The following RAI14 variants were observed in gnomAD, a reference collection of about 807,000 sequenced individuals.
RAI14 encodes ankycorbin.
Under a neutral mutation model 115.4 loss-of-function variants are expected in RAI14, and 45 were observed. That is an observed-to-expected ratio of 0.39 (90% confidence interval 0.31 to 0.50). RAI14 has a LOEUF of 0.50. Ranked by LOEUF, RAI14 falls within the 20% of genes least tolerant of loss-of-function variation. The pLI, the probability that RAI14 is intolerant of heterozygous loss-of-function variation, is 0.85. For missense variants in RAI14, 939 were observed against 1,131.2 expected, an observed-to-expected ratio of 0.83 and a Z score of 2.44; for synonymous variants, 371 against 415.4, an observed-to-expected ratio of 0.89 and a Z score of 1.30.
At chr5:34,695,418 C>A (rs1739106376) in intron 2 of RAI14, among the ~76,000 whole-genome samples, 1 of 152,164 alleles carries the variant, frequency 6.6e-6, no homozygotes, top group Non-Finnish European at 1.5e-5. Context: ...CCCAGGAACC[C>A]CAGCCTTTCT....
rs139732978 is a variant in RAI14, at chr5:34,668,524, C to T, written c.-49+12049C>T. On this transcript the variant is annotated intron_variant, in intron 1 of 17. Coordinates refer to ENST00000265109, the MANE Select transcript of RAI14 (RefSeq NM_015577.3). ...TCTCCAAGCACAGGCCCACTTCAGA[C>T]CCAGTTTCTATTTATCATGGGTGCA... Among the ~76,000 whole-genome samples the T allele has an allele frequency of 1.2e-4, 18 of 152,226 alleles. No individual in the cohort carries two copies. In the East Asian group the frequency reaches 3.5e-3, roughly 29 times the overall value.
intron 2 of RAI14, among the ~76,000 whole-genome samples, chr5:34,718,640 G>A (rs570069932): frequency 3.9e-5 from 6 of 152,312 alleles, no homozygotes; most frequent in African/African-American, 1.4e-4. Flanking sequence ...GGATCTACTG[G>A]GAGAATCAAA....
chr5:34,756,369 C>T (rs1747877268), intron 2 of RAI14, among the ~76,000 whole-genome samples: 1 of 152,186 alleles, frequency 6.6e-6, no homozygotes. Flanking sequence ...CCTGGAGGTT[C>T]ATCCCTTCAG....
intron 2 of RAI14, among the ~76,000 whole-genome samples, chr5:34,736,788 A>T (rs1744934271): frequency 6.6e-6 from 1 of 152,220 alleles, no homozygotes; most frequent in African/African-American, 2.4e-5. Context: ...TCTTTGTAAG[A>T]ATGATCTTTT....
chr5:34,730,248 T>C (rs1744002674), intron 2 of RAI14, among the ~76,000 whole-genome samples: 1 of 152,254 alleles, frequency 6.6e-6, no homozygotes. Context: ...TTTGCTGGTG[T>C]CTTTATATGC....
chr5:34,754,481 GC>G (rs765996620), intron 2 of RAI14, among the ~76,000 whole-genome samples: 1 of 151,920 alleles, frequency 6.6e-6, no homozygotes, highest in Non-Finnish European at 1.5e-5. Context: ...TTCTGCTTTG[GC>G]CTCCCCAGTA....
intron 2 of RAI14, among the ~76,000 whole-genome samples, chr5:34,700,433 A>G (rs916702964): frequency 2.0e-5 from 3 of 152,164 alleles, no homozygotes; most frequent in Non-Finnish European, 2.9e-5. Context: ...TTAGGTGGCA[A>G]GTGGCAGTCT....
chr5:34,743,379 T>C (rs893094918), intron 2 of RAI14, among the ~76,000 whole-genome samples: 1 of 152,214 alleles, frequency 6.6e-6, no homozygotes, highest in African/African-American at 2.4e-5. Context: ...TTACATCGCC[T>C]TCTTCCTCAT....
chr5:34,809,990 G>T (rs10472940), intron 7 of RAI14, among the ~76,000 whole-genome samples: 7 of 151,914 alleles, frequency 4.6e-5, no homozygotes, highest in African/African-American at 1.7e-4. Context: ...TGATGGAGAT[G>T]CTGTGAAGTG....
At chr5:34,664,596 A>G (rs2149843441) in intron 1 of RAI14, among the ~76,000 whole-genome samples, 1 of 152,106 alleles carries the variant, frequency 6.6e-6, no homozygotes, top group Admixed American at 6.5e-5. Context: ...GATCTAGATA[A>G]GTTCAATTTG....
In RAI14 at chr5:34,829,799, T is replaced by G; in HGVS notation, c.2865+2T>G. 1 of 1,608,008 alleles carries G rather than the reference T, an allele frequency of 6.2e-7. No individual in the cohort carries two copies. Among genetic ancestry groups the G allele is most frequent in the Non-Finnish European group, 8.5e-7 (1 of 1,176,018 alleles). On this transcript the variant is annotated splice_donor_variant, in intron 17 of 17. Transcript: ENST00000265109. LOFTEE classifies it high-confidence loss of function. ...ATGCATCTTCTGTATGCTGTGCAGG[T>G]ATGGTTATGCCCCTTGAAGTATCTG...
At chr5:34,817,199 C>A (rs551439376) in intron 12 of RAI14, among the ~76,000 whole-genome samples, 1 of 144,952 alleles carries the variant, frequency 6.9e-6, no homozygotes, top group Admixed American at 7.4e-5. Flanking sequence ...ATCGCTTGAA[C>A]CTGGGAGGCA....
rs142388655 is a variant in RAI14, at chr5:34,697,134, A to C, written c.36+10179A>C. Among the ~76,000 whole-genome samples, 1,295 of 147,350 alleles carry C rather than the reference A, an allele frequency of 8.8e-3. 27 individuals are homozygous for C. Among genetic ancestry groups the C allele is most frequent in the African/African-American group, 0.031 (1,235 of 39,810 alleles). ...CGACAGAGTAAGACTCCATCTCAAA[A>C]AATAATAATAATAATAAAAAGGCCA... is the stretch of plus-strand genomic sequence containing the variant. On this transcript the variant is annotated intron_variant, in intron 2 of 17. Transcript: ENST00000265109.
chr5:34,788,723 A>G (rs1012449391), intron 3 of RAI14, among the ~76,000 whole-genome samples: 6 of 152,146 alleles, frequency 3.9e-5, no homozygotes, highest in Admixed American at 6.6e-5. Flanking sequence ...TAATCCCAGC[A>G]CTTTGGGAGG....
rs188008456 is a variant in RAI14, at chr5:34,776,700, G to T, written c.167+19102G>T. On this transcript the variant is annotated intron_variant, in intron 3 of 17. Transcript: ENST00000265109. ...TGTGTATCTGTAGTTGCAACTATTC[G>T]GGAGACTGAGATGGGAGAATCGCTT... Among the ~76,000 whole-genome samples, 11 of 151,870 alleles carry T rather than the reference G, an allele frequency of 7.2e-5. No homozygotes were observed. The East Asian group carries it at 2.1e-3, about 29-fold the overall frequency.
intron 1 of RAI14, among the ~76,000 whole-genome samples, chr5:34,659,601 C>T (rs1411058872): frequency 1.3e-5 from 2 of 152,130 alleles, no homozygotes; most frequent in Non-Finnish European, 2.9e-5. Context: ...ACTCTATTTC[C>T]ATTTTCATTT....
At chr5:34,688,193 G>T in intron 2 of RAI14, 1 of 1,550,554 alleles carries the variant, frequency 6.4e-7, no homozygotes, top group East Asian at 2.4e-5. Context: ...ATCGTCTGCT[G>T]GCTGTATGTT....
At chr5:34,695,434 G>A (rs77892406) in intron 2 of RAI14, among the ~76,000 whole-genome samples, 4,129 of 152,248 alleles carry the variant, frequency 0.027, 195 homozygotes, top group African/African-American at 0.095. Flanking sequence ...TTTCTCTGGC[G>A]TCCTCTGTTA....
chr5:34,794,520 CTG>C (rs1753278884), intron 3 of RAI14, among the ~76,000 whole-genome samples: 1 of 152,164 alleles, frequency 6.6e-6, no homozygotes, highest in African/African-American at 2.4e-5. Context: ...TAAATTTTGA[CTG>C]TAAATAGATA....
Sources: allele counts gnomAD v4.1 joint callset (sites outside exome capture counted in the v4.1 genomes callset), GRCh38; gene constraint gnomAD v4.1.1; transcripts MANE v1.5; gene names NCBI Gene and HGNC (gene_info 2026-07-23, HGNC 2026-07-21).